The following APBB1IP variants were observed in gnomAD, a reference collection of about 807,000 sequenced individuals.
APBB1IP encodes amyloid beta precursor protein binding family B member 1 interacting protein.
Under a neutral mutation model 64.9 loss-of-function variants are expected in APBB1IP, and 27 were observed. The ratio of observed to expected loss-of-function variants is 0.42; its 90% confidence interval spans 0.31 to 0.57. The LOEUF (loss-of-function observed/expected upper bound fraction) is 0.57. Among genes scored for constraint, APBB1IP ranks in the 20% least tolerant of loss-of-function variants. The probability of loss-of-function intolerance (pLI) is 0.20; values close to 1 mark genes in which losing one functional copy is unlikely to be tolerated. For synonymous variants in APBB1IP, 392 were observed against 331.0 expected (o/e 1.18, Z -2.00); for missense variants, 812 against 845.5 (o/e 0.96, Z 0.49).
At chr10:26,551,745 G>A (rs1464686160) in intron 11 of APBB1IP, among the ~76,000 whole-genome samples, 1 of 152,102 alleles carries the variant, frequency 6.6e-6, no homozygotes, top group East Asian at 1.9e-4. Flanking sequence ...TTACTTTAGT[G>A]TTTTGTATTT....
At chr10:26,566,861 TG>T in intron 14 of APBB1IP, 99 bp from the exon 15 acceptor site, 1 of 1,345,444 alleles carries the variant, frequency 7.4e-7, no homozygotes, top group Admixed American at 2.8e-5. Flanking sequence ...GCACTCAGCC[TG>T]GGCGACAGAG....
chr10:26,454,598 G>A (rs1835501963), intron 2 of APBB1IP, among the ~76,000 whole-genome samples: 3 of 152,110 alleles, frequency 2.0e-5, no homozygotes, highest in Admixed American at 6.6e-5. Flanking sequence ...GGGAGATGTG[G>A]GGTAGTTAAT....
intron 11 of APBB1IP, among the ~76,000 whole-genome samples, chr10:26,543,897 A>G (rs1046669035): frequency 2.0e-5 from 3 of 152,246 alleles, no homozygotes; most frequent in African/African-American, 7.2e-5. Context: ...TTTGTTCCGA[A>G]GGAAGAGAGA....
At chr10:26,491,016 A>G (rs1835948381) in intron 2 of APBB1IP, among the ~76,000 whole-genome samples, 3 of 152,228 alleles carry the variant, frequency 2.0e-5, no homozygotes, top group South Asian at 4.1e-4. Flanking sequence ...AGATGGCTCA[A>G]TCTTGTAATC....
intron 8 of APBB1IP, among the ~76,000 whole-genome samples, chr10:26,527,917 C>A (rs1203926309): frequency 6.6e-6 from 1 of 152,080 alleles, no homozygotes; most frequent in Non-Finnish European, 1.5e-5. Flanking sequence ...GTCTCGAACT[C>A]CTGACCTCAG....
At chr10:26,550,513 T>G (rs1393997337) in intron 11 of APBB1IP, among the ~76,000 whole-genome samples, 1 of 152,230 alleles carries the variant, frequency 6.6e-6, no homozygotes, top group Non-Finnish European at 1.5e-5. Flanking sequence ...TGACTGATTA[T>G]TCTGCTTGAT....
In APBB1IP at chr10:26,536,029, T is replaced by A. The variant is rs1836618171; in HGVS notation, c.901-45T>A. On this transcript the variant is annotated intron_variant, in intron 9 of 14. Coordinates refer to ENST00000376236, the MANE Select transcript of APBB1IP (RefSeq NM_019043.4). ...TTTAAATGTGAATAAAAATGCGTGC[T>A]TTATCTTTCGTGTGTGTCTTATGTC... 1.4e-5 allele frequency: 22 copies of A among 1,530,958 alleles called. No individual in the cohort carries two copies. The East Asian group carries it at 5.1e-4, about 36-fold the overall frequency. The allele number at this position is 1,530,958 out of a possible 1,614,324, so 94.8% of individuals were successfully genotyped here.
At chr10:26,447,432 A>G (rs2132395669) in intron 2 of APBB1IP, among the ~76,000 whole-genome samples, 1 of 152,178 alleles carries the variant, frequency 6.6e-6, no homozygotes, top group East Asian at 1.9e-4. Flanking sequence ...CAAATGGAAG[A>G]AAGATACGCC....
intron 14 of APBB1IP, among the ~76,000 whole-genome samples, chr10:26,565,145 T>G (rs1251910498): frequency 1.3e-5 from 2 of 152,226 alleles, no homozygotes; most frequent in Non-Finnish European, 2.9e-5. Context: ...TCCATCTCCT[T>G]CATCCTAATC....
intron 2 of APBB1IP, among the ~76,000 whole-genome samples, chr10:26,469,548 C>A (rs1179401593): frequency 6.6e-6 from 1 of 152,086 alleles, no homozygotes; most frequent in Non-Finnish European, 1.5e-5. Flanking sequence ...CCGCACCTGG[C>A]CAATATAAGC....
chr10:26,477,176 A>C (rs565653614), intron 2 of APBB1IP, among the ~76,000 whole-genome samples: 1 of 152,242 alleles, frequency 6.6e-6, no homozygotes, highest in African/African-American at 2.4e-5. Context: ...TGATCAATTC[A>C]TCTTGATTTT....
chr10:26,519,422 G>A (rs1836374772), intron 8 of APBB1IP, among the ~76,000 whole-genome samples: 2 of 152,206 alleles, frequency 1.3e-5, no homozygotes, highest in Non-Finnish European at 2.9e-5. Context: ...GGGAAGGAGA[G>A]TGAGCACCTT....
intron 2 of APBB1IP, among the ~76,000 whole-genome samples, chr10:26,451,483 G>A (rs1835465307): frequency 6.6e-6 from 1 of 152,200 alleles, no homozygotes; most frequent in Non-Finnish European, 1.5e-5. Context: ...AAGATCTGAG[G>A]TAACTCAGAG....
chr10:26,471,162 G>A lies in APBB1IP; in HGVS notation c.1-21165G>A, dbSNP rs529352974. Among the ~76,000 whole-genome samples, 6 of 152,252 alleles carry A rather than the reference G, an allele frequency of 3.9e-5. No homozygotes were observed. In the South Asian group the frequency reaches 1.2e-3, roughly 32 times the overall value. On this transcript the variant is annotated intron_variant, in intron 2 of 14. Coordinates refer to ENST00000376236, the MANE Select transcript of APBB1IP (RefSeq NM_019043.4). ...ACACAGCCAATAAGTGTCAGGGCTG[G>A]GTTTTGAACTCTGTCCTTGCCTCTG...
chr10:26,534,549 G>A (rs1836596202), intron 9 of APBB1IP, among the ~76,000 whole-genome samples: 1 of 152,134 alleles, frequency 6.6e-6, no homozygotes, highest in Non-Finnish European at 1.5e-5. Context: ...GGCTCATGCT[G>A]GAGCCAATTA....
intron 10 of APBB1IP, among the ~76,000 whole-genome samples, chr10:26,541,373 G>A (rs533310052): frequency 6.6e-6 from 1 of 151,984 alleles, no homozygotes; most frequent in Non-Finnish European, 1.5e-5. Context: ...TTACTAAATT[G>A]TCCCCCAACT....
intron 8 of APBB1IP, among the ~76,000 whole-genome samples, chr10:26,518,416 T>G (rs993244496): frequency 2.0e-5 from 3 of 151,956 alleles, no homozygotes; most frequent in African/African-American, 7.3e-5. Context: ...CCTGGCTAGT[T>G]TTGGTATTTT....
In APBB1IP at chr10:26,562,022, A is replaced by G. The variant is rs551914806; in HGVS notation, c.1370-304A>G. On this transcript the variant is annotated intron_variant, in intron 13 of 14. Transcript: ENST00000376236. The stretch of plus-strand genomic sequence containing the variant: ...ACATATTGTTACTCTCCAGGATCCC[A>G]GTTAGTCCAGACCCTCCTCAGTGGG... 3.9e-4 allele frequency: 86 copies of G among 222,834 alleles called. No homozygotes were observed. The South Asian group carries it at 6.1e-3, about 16-fold the overall frequency. The allele number at this position is 222,834 out of a possible 1,614,324, so 13.8% of individuals were successfully genotyped here. A position where few individuals can be genotyped will look rare whatever the true frequency, so the allele number is the denominator to read the frequency against.
intron 4 of APBB1IP, among the ~76,000 whole-genome samples, chr10:26,499,101 C>T (rs985870523): frequency 6.6e-6 from 1 of 151,716 alleles, no homozygotes; most frequent in Non-Finnish European, 1.5e-5. Context: ...ACTGTCTCTA[C>T]AAAAAAATTA....
Sources: allele counts gnomAD v4.1 joint callset (sites outside exome capture counted in the v4.1 genomes callset), GRCh38; gene constraint gnomAD v4.1.1; transcripts MANE v1.5; gene names NCBI Gene and HGNC (gene_info 2026-07-23, HGNC 2026-07-21).